The following FAM135B variants were observed in gnomAD, a reference collection of about 807,000 sequenced individuals.
FAM135B encodes the protein family with sequence similarity 135 member B.
A neutral mutation model predicts 127.7 loss-of-function variants in FAM135B; 43 were observed. The observed-to-expected ratio is 0.34, with a 90% CI of 0.26 to 0.43. The LOEUF is 0.43. FAM135B is among the 20% of genes least tolerant of loss of function. The pLI, the probability that FAM135B is intolerant of heterozygous loss-of-function variation, is 1.00. For missense variants in FAM135B, 1,558 were observed against 1,725.6 expected, an observed-to-expected ratio of 0.90 and a Z score of 1.72; for synonymous variants, 670 against 665.1, an observed-to-expected ratio of 1.01 and a Z score of -0.11.
At chr8:138,270,934 T>C (rs1310755530) in intron 3 of FAM135B, among the ~76,000 whole-genome samples, 4 of 152,244 alleles carry the variant, frequency 2.6e-5, no homozygotes, top group African/African-American at 9.6e-5. Flanking sequence ...AAGGGTTCAC[T>C]TTTGAACACC....
chr8:138,183,947 G>A (rs1408597290), intron 9 of FAM135B, among the ~76,000 whole-genome samples: 1 of 152,208 alleles, frequency 6.6e-6, no homozygotes, highest in South Asian at 2.1e-4. Flanking sequence ...TCCCTTCTAT[G>A]CAGGAATTCA....
At chr8:138,444,167 T>C (rs1000118980) in intron 1 of FAM135B, among the ~76,000 whole-genome samples, 3 of 152,134 alleles carry the variant, frequency 2.0e-5, no homozygotes, top group Non-Finnish European at 4.4e-5. Context: ...CTTAGAGACC[T>C]ACAAAGAGAC....
At chr8:138,151,131 G>A (rs1348111831) in intron 13 of FAM135B, 63 bp downstream of exon 13, 10 of 1,304,260 alleles carry the variant, frequency 7.7e-6, no homozygotes, top group Non-Finnish European at 1.0e-5. Flanking sequence ...GCATGAAATG[G>A]AGAAATATGT....
chr8:138,148,846 G>C lies in FAM135B; in HGVS notation c.3282-160C>G, dbSNP rs138561315. On this transcript the variant is annotated intron_variant, in intron 13 of 19. Transcript: ENST00000395297. Reference sequence around the variant, plus strand: ...CCCAGGGAACATGCTAGTGAGTGAAGCTTTGTTCTGAACAAGGAGGCAGGA... The same window carrying C: ...CCCAGGGAACATGCTAGTGAGTGAACCTTTGTTCTGAACAAGGAGGCAGGA... 3,943 of 527,192 alleles carry C rather than the reference G, an allele frequency of 7.5e-3. 24 individuals carry two copies. Among genetic ancestry groups the C allele is most frequent in the Non-Finnish European group, 0.01 (3,148 of 302,616 alleles). The allele number at this position is 527,192 out of a possible 1,614,324, so 32.7% of individuals were successfully genotyped here.
chr8:138,307,470 A>G (rs1002892916), intron 3 of FAM135B, among the ~76,000 whole-genome samples: 1 of 152,126 alleles, frequency 6.6e-6, no homozygotes, highest in African/African-American at 2.4e-5. Context: ...CCTCTGTCTC[A>G]CTTACATCAA....
intron 15 of FAM135B, 35 bp from the exon 16 acceptor site, chr8:138,143,144 G>T (rs1195015881): frequency 4.9e-6 from 6 of 1,233,224 alleles, no homozygotes; most frequent in African/African-American, 1.5e-5. Flanking sequence ...GTTGGGTATG[G>T]TTGTGGCGGG....
intron 12 of FAM135B, among the ~76,000 whole-genome samples, chr8:138,167,070 G>A (rs1820000965): frequency 6.6e-6 from 1 of 151,960 alleles, no homozygotes; most frequent in Admixed American, 6.6e-5. Context: ...CACCTAATGT[G>A]CACAGCTGTA....
chr8:138,165,352 T>A (rs1819811518), intron 12 of FAM135B, among the ~76,000 whole-genome samples: 1 of 152,114 alleles, frequency 6.6e-6, no homozygotes, highest in East Asian at 1.9e-4. Flanking sequence ...ACTCCCGACC[T>A]CAGGTGATCC....
chr8:138,176,527 C>T (rs1814486045), intron 11 of FAM135B, among the ~76,000 whole-genome samples: 2 of 152,188 alleles, frequency 1.3e-5, no homozygotes, highest in Admixed American at 1.3e-4. Context: ...GTGCCACCCC[C>T]TTACTTGCAG....
At chr8:138,464,314 T>C (rs1369713174) in intron 1 of FAM135B, among the ~76,000 whole-genome samples, 2 of 152,154 alleles carry the variant, frequency 1.3e-5, no homozygotes, top group East Asian at 1.9e-4. Flanking sequence ...CTCTTTGGTC[T>C]GTATGCTTTG....
At chr8:138,383,226 T>G (rs2131294449) in intron 1 of FAM135B, among the ~76,000 whole-genome samples, 1 of 152,300 alleles carries the variant, frequency 6.6e-6, no homozygotes, top group South Asian at 2.1e-4. Flanking sequence ...GTGTCCTCAC[T>G]TTTTCTTGGA....
At chr8:138,323,729 C>A (rs1458411227) in intron 2 of FAM135B, among the ~76,000 whole-genome samples, 1 of 152,148 alleles carries the variant, frequency 6.6e-6, no homozygotes, top group African/African-American at 2.4e-5. Flanking sequence ...CCCTCCTGGG[C>A]CATACTTTGT....
chr8:138,291,224 T>G (rs1292267181), intron 3 of FAM135B, among the ~76,000 whole-genome samples: 3 of 152,182 alleles, frequency 2.0e-5, no homozygotes, highest in Non-Finnish European at 4.4e-5. Context: ...GAATAGCATG[T>G]CTTAGTGAAA....
intron 1 of FAM135B, among the ~76,000 whole-genome samples, chr8:138,486,665 G>T (rs978498281): frequency 7.2e-5 from 11 of 152,216 alleles, no homozygotes; most frequent in Non-Finnish European, 1.6e-4. Context: ...GGCATCCTGT[G>T]CCATCAGGCT....
At chr8:138,225,074 A>C (rs941466996) in intron 7 of FAM135B, among the ~76,000 whole-genome samples, 8 of 152,226 alleles carry the variant, frequency 5.3e-5, no homozygotes, top group African/African-American at 1.9e-4. Context: ...AATTGCTACA[A>C]AATAGATTTT....
At position 138,220,626 on chromosome 8, in the gene FAM135B, TTGA is replaced by T. The variant is rs533526003; in HGVS notation, c.669+22313_669+22315del. On this transcript the variant is annotated intron_variant, in intron 7 of 19. Coordinates refer to ENST00000395297, the MANE Select transcript of FAM135B (RefSeq NM_015912.4). ...ACGCATTGTAAGTGCTTGGTAAGTATTGATGAAGAAGAGGGTGAGGGGGATGGT... is the reference window on the plus strand; with the variant it reads ...ACGCATTGTAAGTGCTTGGTAAGTATTGAAGAAGAGGGTGAGGGGGATGGT... Among the ~76,000 whole-genome samples, 8 of 152,258 alleles carry T rather than the reference TTGA, an allele frequency of 5.3e-5. No individual in the cohort carries two copies. In the East Asian group the frequency reaches 1.5e-3, roughly 29 times the overall value.
At chr8:138,367,865 AC>A in intron 2 of FAM135B, 41 bp downstream of exon 2, 1 of 1,359,810 alleles carries the variant, frequency 7.4e-7, no homozygotes, top group Non-Finnish European at 1.0e-6. Context: ...CAAACAACAC[AC>A]ACACACACAC....
intron 3 of FAM135B, among the ~76,000 whole-genome samples, chr8:138,284,318 C>T (rs901894150): frequency 1.3e-5 from 2 of 152,078 alleles, no homozygotes; most frequent in Non-Finnish European, 2.9e-5. Context: ...CACTCCTGGA[C>T]CACTCTGCCC....
rs191691400 is a variant in FAM135B at position 138,257,462 on chromosome 8, T to C, written c.298-703A>G. 6.6e-4 allele frequency among the ~76,000 whole-genome samples: 100 copies of C among 152,246 alleles called. No individual in the cohort carries two copies. In the Middle Eastern group the frequency reaches 0.01, roughly 16 times the overall value. ...AATCTTTATTCTTCGTGTCAGTTTC[T>C]CATATACACCTGGAAGATGGTACCC... is the stretch of plus-strand genomic sequence containing the variant. On this transcript the variant is annotated intron_variant, in intron 4 of 19. Coordinates refer to ENST00000395297, the MANE Select transcript of FAM135B (RefSeq NM_015912.4).
Sources: allele counts gnomAD v4.1 joint callset (sites outside exome capture counted in the v4.1 genomes callset), GRCh38; gene constraint gnomAD v4.1.1; transcripts MANE v1.5; gene names NCBI Gene and HGNC (gene_info 2026-07-23, HGNC 2026-07-21).